PLEKHM3: variants seen among roughly 807,000 people sequenced by gnomAD.
PLEKHM3 encodes the protein pleckstrin homology domain containing M3, also known as pleckstrin homology domain-containing family M member 3.
PLEKHM3 carries 45 observed loss-of-function variants against 81.8 expected under a neutral mutation model. That is an observed-to-expected ratio of 0.55 (90% confidence interval 0.43 to 0.71). The LOEUF (loss-of-function observed/expected upper bound fraction) is 0.71, where lower values mean the gene tolerates loss of function less well. Among genes scored for constraint, PLEKHM3 ranks in the 30% least tolerant of loss-of-function variants. The pLI is 0.00. For missense variants in PLEKHM3, 788 were observed against 924.3 expected, an observed-to-expected ratio of 0.85 and a Z score of 1.91; for synonymous variants, 352 against 356.4, an observed-to-expected ratio of 0.99 and a Z score of 0.14.
chr2:207,910,367 A>G (rs968254278), intron 5 of PLEKHM3, among the ~76,000 whole-genome samples: 1 of 152,222 alleles, frequency 6.6e-6, no homozygotes, highest in African/African-American at 2.4e-5. Context: ...CACATGACAC[A>G]AATGATCAAG....
At chr2:207,889,297 T>C (rs1687976248) in intron 6 of PLEKHM3, among the ~76,000 whole-genome samples, 1 of 152,072 alleles carries the variant, frequency 6.6e-6, no homozygotes, top group Non-Finnish European at 1.5e-5. Flanking sequence ...CAGTCAACCC[T>C]GGTCAAGGAA....
chr2:207,914,454 C>T (rs966371345), intron 5 of PLEKHM3, among the ~76,000 whole-genome samples: 13 of 151,154 alleles, frequency 8.6e-5, no homozygotes, highest in South Asian at 2.1e-4. Flanking sequence ...GCCAACATCG[C>T]GCCATTGCAC....
rs181339603 is a variant in PLEKHM3, at chr2:207,919,977, C to T, written c.1886+10949G>A. Among the ~76,000 whole-genome samples, 313 of 152,238 alleles carry T rather than the reference C, an allele frequency of 2.1e-3. 3 individuals carry two copies. Among genetic ancestry groups the T allele is most frequent in the African/African-American group, 7.2e-3 (298 of 41,548 alleles). On this transcript the variant is annotated intron_variant, in intron 5 of 7. Transcript: ENST00000427836. ...AGACACACACACACACGCACACACACATTTTTTTCTGGTATTCACCAGGAC... is the reference window on the plus strand; with the variant it reads ...AGACACACACACACACGCACACACATATTTTTTTCTGGTATTCACCAGGAC...
In PLEKHM3 at chr2:207,901,007, T is replaced by G; in HGVS notation, c.1950+7507A>C. On this transcript the variant is annotated intron_variant, in intron 6 of 7. Coordinates refer to ENST00000427836, the MANE Select transcript of PLEKHM3 (RefSeq NM_001080475.3). Reference sequence around the variant, plus strand: ...TGCCAAGGGACTCCCAGGAAAGTGATTTCAGCACTGACTAAACACCATCCA... The same window carrying G: ...TGCCAAGGGACTCCCAGGAAAGTGAGTTCAGCACTGACTAAACACCATCCA... 6.3e-6 allele frequency: 3 copies of G among 477,046 alleles called. No homozygotes were observed. The East Asian group carries it at 1.0e-4, about 16-fold the overall frequency. 29.6% of individuals were successfully genotyped at this position (477,046 alleles called of 1,614,324 possible).
intron 7 of PLEKHM3, among the ~76,000 whole-genome samples, chr2:207,831,359 T>A (rs759337976): frequency 6.6e-6 from 1 of 152,196 alleles, no homozygotes; most frequent in Non-Finnish European, 1.5e-5. Flanking sequence ...CCAAGGCTCT[T>A]ACCGAGCACC....
chr2:207,976,558 A>G lies in PLEKHM3; in HGVS notation c.1546+93T>C, dbSNP rs1691314863. ...TTTTTATAAACAGGAGATAGCTGTG[A>G]CTAGCCTATTAAGGGGATTTTTAAA... is the stretch of plus-strand genomic sequence containing the variant. On this transcript the variant is annotated intron_variant, in intron 3 of 7. Coordinates refer to ENST00000427836, the MANE Select transcript of PLEKHM3 (RefSeq NM_001080475.3). This position sits in a 1 kb window ranked among gnomAD's most constrained non-coding sequence, Gnocchi z 4.1. The G allele has an allele frequency of 8.2e-7, 1 of 1,225,558 alleles. No homozygotes were observed. Among genetic ancestry groups the G allele is most frequent in the Non-Finnish European group, 1.1e-6 (1 of 884,514 alleles). 75.9% of individuals were successfully genotyped at this position (1,225,558 alleles called of 1,614,324 possible).
At chr2:207,946,621 AGTCTGC>A in intron 3 of PLEKHM3, 109 bp from the exon 4 acceptor site, 2 of 1,384,396 alleles carry the variant, frequency 1.4e-6, no homozygotes, top group Admixed American at 2.3e-5. Context: ...TCATTTACCT[AGTCTGC>A]AACAAAAAAG....
intron 7 of PLEKHM3, among the ~76,000 whole-genome samples, chr2:207,844,546 T>C (rs2092373118): frequency 6.6e-6 from 1 of 151,940 alleles, no homozygotes; most frequent in Non-Finnish European, 1.5e-5. Context: ...GACCTCGTGA[T>C]CCACCCGCCT....
At chr2:208,011,026 A>C (rs1247671917) in intron 1 of PLEKHM3, among the ~76,000 whole-genome samples, 3 of 150,928 alleles carry the variant, frequency 2.0e-5, no homozygotes, top group Admixed American at 6.6e-5. Context: ...CAAAACCACA[A>C]TGTGATACCA....
intron 6 of PLEKHM3, among the ~76,000 whole-genome samples, chr2:207,862,178 T>C (rs2092470970): frequency 6.6e-6 from 1 of 152,228 alleles, no homozygotes; most frequent in African/African-American, 2.4e-5. Context: ...GCCAGCTAGA[T>C]AAAATCTGCC....
intron 5 of PLEKHM3, among the ~76,000 whole-genome samples, chr2:207,928,040 C>T (rs1269939768): frequency 6.6e-6 from 1 of 152,146 alleles, no homozygotes; most frequent in Non-Finnish European, 1.5e-5. Context: ...CCTCAACTTA[C>T]CCCTTCCCTC....
chr2:207,987,700 C>G (rs577222224), intron 2 of PLEKHM3, among the ~76,000 whole-genome samples: 4 of 152,266 alleles, frequency 2.6e-5, no homozygotes, highest in African/African-American at 9.6e-5. Context: ...CCTTTTAGAA[C>G]TCTCCATAAT....
At chr2:207,854,310 C>T (rs1055790040) in intron 7 of PLEKHM3, among the ~76,000 whole-genome samples, 1 of 152,092 alleles carries the variant, frequency 6.6e-6, no homozygotes, top group Non-Finnish European at 1.5e-5. Context: ...GTACCTATCA[C>T]CTAGCTGCCA....
At chr2:207,939,575 C>T (rs1309118221) in intron 4 of PLEKHM3, among the ~76,000 whole-genome samples, 1 of 152,164 alleles carries the variant, frequency 6.6e-6, no homozygotes, top group Non-Finnish European at 1.5e-5. Context: ...TAACTGAGGG[C>T]TTATGATGCG....
chr2:207,845,772 T>C (rs1005023004), intron 7 of PLEKHM3, among the ~76,000 whole-genome samples: 1 of 152,274 alleles, frequency 6.6e-6, no homozygotes, highest in Admixed American at 6.5e-5. Flanking sequence ...GAATTATTTA[T>C]GGAGCAGTTA....
rs1451715338 is a variant in PLEKHM3, at chr2:207,822,119, A to G, written c.*6200T>C. Reference sequence around the variant, plus strand: ...ATGCCACCATGCCCAGCGTAACAGTAAGATTCTGATAGGTGACCAAAGCTA... The same window carrying G: ...ATGCCACCATGCCCAGCGTAACAGTGAGATTCTGATAGGTGACCAAAGCTA... On this transcript the variant is annotated 3_prime_UTR_variant, in exon 8 of 8. Transcript: ENST00000427836. 6.6e-6 allele frequency: 1 copy of G among 152,128 alleles called. No homozygotes were observed. The highest frequency in any genetic ancestry group is 1.5e-5 in the Non-Finnish European group (1 of 68,070). 9.4% of individuals were successfully genotyped at this position (152,128 alleles called of 1,614,324 possible). A position where few individuals can be genotyped will look rare whatever the true frequency, so the allele number is the denominator to read the frequency against.
chr2:207,869,338 C>G (rs1168725874), intron 6 of PLEKHM3, among the ~76,000 whole-genome samples: 3 of 152,084 alleles, frequency 2.0e-5, no homozygotes, highest in South Asian at 4.1e-4. Flanking sequence ...TAGAAGGAAA[C>G]GTGTAGCTCT....
chr2:207,828,720 G>C (rs1255203200), intron 7 of PLEKHM3, among the ~76,000 whole-genome samples: 1 of 152,200 alleles, frequency 6.6e-6, no homozygotes, highest in Non-Finnish European at 1.5e-5. Context: ...CTGAACTAGG[G>C]CTTATGAGTG....
At chr2:208,003,702 T>C (rs1326694131) in intron 1 of PLEKHM3, among the ~76,000 whole-genome samples, 1 of 152,238 alleles carries the variant, frequency 6.6e-6, no homozygotes, top group Non-Finnish European at 1.5e-5. Flanking sequence ...AGGGTTTTTT[T>C]CTGAGTCTAA....
Sources: allele counts gnomAD v4.1 joint callset (sites outside exome capture counted in the v4.1 genomes callset), GRCh38; gene constraint gnomAD v4.1.1; non-coding constraint Gnocchi (gnomAD v3.1); transcripts MANE v1.5; gene names NCBI Gene and HGNC (gene_info 2026-07-23, HGNC 2026-07-21).